Variants in PCCA observed in about 807,000 individuals in gnomAD.
PCCA encodes propionyl-CoA carboxylase alpha chain, mitochondrial.
PCCA carries 74 observed loss-of-function variants against 101.3 expected under a neutral mutation model. That is an observed-to-expected ratio of 0.73 (90% confidence interval 0.61 to 0.89). The LOEUF (loss-of-function observed/expected upper bound fraction) is 0.89. PCCA is among the 40% of genes least tolerant of loss of function. The pLI is 0.00. For missense variants in PCCA, 891 were observed against 907.0 expected (o/e 0.98, Z 0.23); for synonymous variants, 294 against 313.6 (o/e 0.94, Z 0.66).
At chr13:100,500,086 C>T (rs2085562564) in intron 21 of PCCA, among the ~76,000 whole-genome samples, 1 of 152,252 alleles carries the variant, frequency 6.6e-6, no homozygotes, top group Admixed American at 6.5e-5. Flanking sequence ...ATCTTACTTA[C>T]CACCCAGGAA....
chr13:100,161,099 C>A (rs1566608522), intron 6 of PCCA: 1 of 152,148 alleles, frequency 6.6e-6, no homozygotes, highest in Admixed American at 6.6e-5. Flanking sequence ...CTTTTATCTT[C>A]TTTCTTTCTT....
chr13:100,136,789 T>A (rs933510527), intron 4 of PCCA, among the ~76,000 whole-genome samples: 1 of 152,064 alleles, frequency 6.6e-6, no homozygotes, highest in Non-Finnish European at 1.5e-5. Context: ...GTTTTTTTCT[T>A]CTTTTCTTAG....
At chr13:100,445,250 T>C (rs2783223) in intron 20 of PCCA, among the ~76,000 whole-genome samples, 17,844 of 152,180 alleles carry the variant, frequency 0.12, 1,889 homozygotes, top group African/African-American at 0.28. Context: ...ACCCCCATTA[T>C]GCCCCACCTC....
chr13:100,481,274 C>T (rs1440445327), intron 21 of PCCA: 1 of 152,112 alleles, frequency 6.6e-6, no homozygotes, highest in Non-Finnish European at 1.5e-5. Flanking sequence ...AATAATAGTT[C>T]CTGCCAGGCA....
intron 21 of PCCA, among the ~76,000 whole-genome samples, chr13:100,471,917 T>A (rs2083048270): frequency 6.6e-6 from 1 of 152,140 alleles, no homozygotes; most frequent in African/African-American, 2.4e-5. Context: ...ATTTTGCTCC[T>A]TAGCTCAGCA....
At chr13:100,371,397 G>A (rs1240942159) in intron 19 of PCCA, among the ~76,000 whole-genome samples, 1 of 152,190 alleles carries the variant, frequency 6.6e-6, no homozygotes, top group African/African-American at 2.4e-5. Flanking sequence ...AAATGTTGCT[G>A]AAAGAGCTTA....
At chr13:100,416,510 A>ATC (rs1172199398) in intron 19 of PCCA, among the ~76,000 whole-genome samples, 4 of 128,722 alleles carry the variant, frequency 3.1e-5, no homozygotes, top group African/African-American at 1.3e-4. Context: ...TGTTTTAAAT[A>ATC]TCTGTGTGTG....
At chr13:100,235,941 C>A in intron 8 of PCCA, 63 bp downstream of exon 8, 1 of 995,644 alleles carries the variant, frequency 1.0e-6, no homozygotes. Context: ...GTTGAGTCAA[C>A]AGGTAATAAG....
At chr13:100,527,541 A>AAT in intron 22 of PCCA, 134 bp from the exon 23 acceptor site, 2 of 713,994 alleles carry the variant, frequency 2.8e-6, no homozygotes, top group Non-Finnish European at 5.2e-6. Flanking sequence ...AATAGGAAAC[A>AAT]TTAGAGATTG....
At chr13:100,289,306 A>G (rs1412707294) in intron 12 of PCCA, among the ~76,000 whole-genome samples, 1 of 151,940 alleles carries the variant, frequency 6.6e-6, no homozygotes, top group East Asian at 1.9e-4. Flanking sequence ...TAGTTTAGAA[A>G]AAATTATGTG....
At chr13:100,513,228 G>C (rs2086612092) in intron 21 of PCCA, among the ~76,000 whole-genome samples, 1 of 152,248 alleles carries the variant, frequency 6.6e-6, no homozygotes, top group Non-Finnish European at 1.5e-5. Flanking sequence ...ATCTCTCTCT[G>C]TCTTCTCTTT....
chr13:100,420,159 G>A (rs2078653681), intron 19 of PCCA, among the ~76,000 whole-genome samples: 1 of 152,140 alleles, frequency 6.6e-6, no homozygotes, highest in South Asian at 2.1e-4. Flanking sequence ...CACTGAATTT[G>A]ATTTAATTTG....
intron 17 of PCCA, among the ~76,000 whole-genome samples, chr13:100,336,764 C>G (rs1041340407): frequency 6.6e-6 from 1 of 152,136 alleles, no homozygotes; most frequent in African/African-American, 2.4e-5. Context: ...CACTGAAGAG[C>G]CCACTGTGCC....
At chr13:100,332,952 T>C (rs1406773838) in intron 17 of PCCA, among the ~76,000 whole-genome samples, 1 of 152,222 alleles carries the variant, frequency 6.6e-6, no homozygotes, top group Non-Finnish European at 1.5e-5. Context: ...GAATTGAACC[T>C]AGGCTTATTC....
chr13:100,289,923 G>T (rs2064998962), intron 12 of PCCA, among the ~76,000 whole-genome samples: 2 of 151,838 alleles, frequency 1.3e-5, no homozygotes, highest in Non-Finnish European at 2.9e-5. Flanking sequence ...TCACTTATTT[G>T]TGTAGCACAT....
At chr13:100,445,105 T>C (rs915924515) in intron 20 of PCCA, among the ~76,000 whole-genome samples, 1 of 152,084 alleles carries the variant, frequency 6.6e-6, no homozygotes, top group African/African-American at 2.4e-5. Flanking sequence ...TGTGTGGAGG[T>C]CACAGAGTGA....
chr13:100,317,837 C>G (rs985999525), intron 16 of PCCA, among the ~76,000 whole-genome samples: 2 of 152,080 alleles, frequency 1.3e-5, no homozygotes. Flanking sequence ...ACCCACCCAC[C>G]TCGGTTTCCC....
At chr13:100,337,173 C>G (rs1221693276) in intron 17 of PCCA, among the ~76,000 whole-genome samples, 1 of 152,190 alleles carries the variant, frequency 6.6e-6, no homozygotes, top group Admixed American at 6.5e-5. Context: ...GAAAAAGGAG[C>G]TGCCCTCATG....
intron 21 of PCCA, among the ~76,000 whole-genome samples, chr13:100,509,654 G>A (rs879475200): frequency 6.6e-6 from 1 of 152,146 alleles, no homozygotes; most frequent in Non-Finnish European, 1.5e-5. Flanking sequence ...TCTCAAGTTG[G>A]AATAGTCAGA....
Sources: allele counts gnomAD v4.1 joint callset (sites outside exome capture counted in the v4.1 genomes callset), GRCh38; gene constraint gnomAD v4.1.1; transcripts MANE v1.5; gene names NCBI Gene and HGNC (gene_info 2026-07-23, HGNC 2026-07-21).